GBGT1: variants seen among roughly 807,000 people sequenced by gnomAD.
GBGT1 encodes globoside alpha-1,3-N-acetylgalactosaminyltransferase 1.
GBGT1 carries 18 observed loss-of-function variants against 20.9 expected under a neutral mutation model. That is an observed-to-expected ratio of 0.86 (90% CI 0.60 to 1.28). The LOEUF is 1.28. GBGT1 is among the 50% of genes most tolerant of loss of function. GBGT1 has a pLI of 0.00. For synonymous variants in GBGT1, 168 were observed against 180.8 expected, an observed-to-expected ratio of 0.93 and a Z score of 0.57; for missense variants, 432 against 455.7, an observed-to-expected ratio of 0.95 and a Z score of 0.47.
At chr9:133,155,153 T>C (rs1409799985) in intron 6 of GBGT1, 25 bp downstream of exon 6, 9 of 1,606,660 alleles carry the variant, frequency 5.6e-6, no homozygotes, top group Non-Finnish European at 7.7e-6. Flanking sequence ...GAGACCTCCC[T>C]CCCCTTCCCC....
At chr9:133,156,214 C>T in intron 3 of GBGT1, 149 bp from the exon 4 acceptor site, 3 of 799,812 alleles carry the variant, frequency 3.8e-6, no homozygotes, top group Non-Finnish European at 6.2e-6. Context: ...CCCCACCCGA[C>T]TCTACAGAGG....
At chr9:133,157,090 C>A (rs369196356) in intron 3 of GBGT1, among the ~76,000 whole-genome samples, 1 of 152,106 alleles carries the variant, frequency 6.6e-6, no homozygotes, top group South Asian at 2.1e-4. Flanking sequence ...TCAAGACCAG[C>A]CTGGGCAACA....
chr9:133,160,879 G>A (rs1013553857), intron 3 of GBGT1, among the ~76,000 whole-genome samples: 5 of 152,008 alleles, frequency 3.3e-5, no homozygotes, highest in Admixed American at 6.6e-5. Context: ...GTATGGTGGC[G>A]GGTGCCTGTA....
rs370162690 is a variant in GBGT1, at chr9:133,154,743, C to T, written c.359+435G>A. On this transcript the variant is annotated intron_variant, in intron 6 of 6. Coordinates refer to ENST00000372040, the MANE Select transcript of GBGT1 (RefSeq NM_021996.6). This position sits in a 1 kb window ranked among gnomAD's most constrained non-coding sequence, Gnocchi z 4.2. ...CTCATTGGACAAGGGGGTCACCTGA[C>T]CCTAGGTGGACCATTCATCATCTGG... The T allele has an allele frequency of 1.1e-5, 2 of 179,852 alleles. No individual in the cohort carries two copies. The highest frequency in any genetic ancestry group is 1.2e-5 in the Non-Finnish European group (1 of 85,878). The allele number at this position is 179,852 out of a possible 1,614,324, so 11.1% of individuals were successfully genotyped here. A position where few individuals can be genotyped will look rare whatever the true frequency, so the allele number is the denominator to read the frequency against.
Position 133,155,216 on chromosome 9 carries a change from C to T in GBGT1, c.321G>A (p.Leu107=). The change falls in exon 6 of 7, where the codon CTG becomes CTA. Residue 107 remains leucine (L), a synonymous_variant. Coordinates refer to ENST00000372040, the MANE Select transcript of GBGT1 (RefSeq NM_021996.6). ...PELLQHIYQP[L]NLTIGVTVFA... ...ACACCGTGACCCCAATGGTCAGGTTCAGTGGCTGGTAGATGTGCTGCAGAA... is the reference window on the plus strand; with the variant it reads ...ACACCGTGACCCCAATGGTCAGGTTTAGTGGCTGGTAGATGTGCTGCAGAA... 1 of 1,614,108 alleles carries T rather than the reference C, an allele frequency of 6.2e-7. No homozygotes were observed. Among genetic ancestry groups the T allele is most frequent in the South Asian group, 1.1e-5 (1 of 91,074 alleles).
At chr9:133,157,875 G>T (rs1009367799) in intron 3 of GBGT1, among the ~76,000 whole-genome samples, 1 of 152,226 alleles carries the variant, frequency 6.6e-6, no homozygotes, top group Non-Finnish European at 1.5e-5. Flanking sequence ...GGCCGGGCGT[G>T]GTGGCTCATG....
chr9:133,154,187 T>C lies in GBGT1; in HGVS notation c.434A>G (p.Tyr145Cys), dbSNP rs1356182539. Residue 145 changes from tyrosine to cysteine, a missense_variant, in exon 7 of 7, where the codon TAC (tyrosine) becomes TGC (cysteine). Tyr to Cys is a radical substitution (Grantham distance 194, BLOSUM62 -2). Transcript: ENST00000372040. The surrounding 1 kb of genome is among the most constrained non-coding windows in gnomAD (Gnocchi z 4.2). ...GGCTGCAGGGTTGTCAGTGAAGATG[T>C]AGTAGTGCACCCGGTACCCACGCAT... ...FFMRGYRVHY[Y>C]IFTDNPAAVP... 1.3e-6 allele frequency: 2 copies of C among 1,582,940 alleles called. No individual in the cohort carries two copies. The highest frequency in any genetic ancestry group is 8.6e-7 in the Non-Finnish European group (1 of 1,159,414).
Position 133,153,735 on chromosome 9 carries a change from G to A in GBGT1, c.886C>T (p.Arg296Trp), listed in dbSNP as rs141041392. ...TGACGGTTCAGGTGGCTTTCCTCCCGCCAGGCAGCCATGATGCCATTGGCC... is the reference window on the plus strand; with the variant it reads ...TGACGGTTCAGGTGGCTTTCCTCCCACCAGGCAGCCATGATGCCATTGGCC... ...DKANGIMAAW[R>W]EESHLNRHFI... Residue 296 changes from arginine to tryptophan, a missense_variant, in exon 7 of 7, where the codon CGG (arginine) becomes TGG (tryptophan). Coordinates refer to ENST00000372040, the MANE Select transcript of GBGT1 (RefSeq NM_021996.6). 5.8e-5 allele frequency: 94 copies of A among 1,613,482 alleles called. No homozygotes were observed. In the African/African-American group the frequency reaches 9.9e-4, roughly 17 times the overall value.
intron 3 of GBGT1, among the ~76,000 whole-genome samples, chr9:133,157,074 A>G (rs1341483706): frequency 1.3e-5 from 2 of 152,168 alleles, no homozygotes; most frequent in Non-Finnish European, 2.9e-5. Context: ...GCTTGAGCCC[A>G]GTAGTTCAAG....
At chr9:133,160,359 C>T (rs1229780343) in intron 3 of GBGT1, 4 of 151,896 alleles carry the variant, frequency 2.6e-5, no homozygotes, top group African/African-American at 4.8e-5. Flanking sequence ...TCCCAATCAG[C>T]AAGGTAGGTT....
At chr9:133,158,891 T>G (rs1832952060) in intron 3 of GBGT1, among the ~76,000 whole-genome samples, 1 of 152,168 alleles carries the variant, frequency 6.6e-6, no homozygotes, top group African/African-American at 2.4e-5. Flanking sequence ...TCTATGAACT[T>G]GAGTATGGAA....
In GBGT1 at chr9:133,157,143, G is replaced by T. The variant is rs572689268; in HGVS notation, c.138-1078C>A. ...TACAAAAACAACAAAAATTAGCTGG[G>T]TATGGTGGTGTGCACCTGTGGTCCT... On this transcript the variant is annotated intron_variant, in intron 3 of 6. Transcript: ENST00000372040. Among the ~76,000 whole-genome samples, 6 of 152,248 alleles carry T rather than the reference G, an allele frequency of 3.9e-5. No homozygotes were observed. The South Asian group carries it at 6.2e-4, about 16-fold the overall frequency.
At position 133,155,798 on chromosome 9, in the gene GBGT1, C is replaced by T. The variant is rs1832853278; in HGVS notation, c.224+103G>A. On this transcript the variant is annotated intron_variant, in intron 5 of 6. Coordinates refer to ENST00000372040, the MANE Select transcript of GBGT1 (RefSeq NM_021996.6). The stretch of plus-strand genomic sequence containing the variant: ...TTCCACAGTCCCTAACTCTCTGGGC[C>T]CCAAGGCCACCCTGATGTTAGCACC... 15 of 1,283,444 alleles carry T rather than the reference C, an allele frequency of 1.2e-5. No individual in the cohort carries two copies. In the East Asian group the frequency reaches 3.2e-4, roughly 28 times the overall value. The allele number at this position is 1,283,444 out of a possible 1,614,324, so 79.5% of individuals were successfully genotyped here. A position where few individuals can be genotyped will look rare whatever the true frequency, so the allele number is the denominator to read the frequency against.
chr9:133,156,135 G>A, intron 3 of GBGT1, 70 bp from the exon 4 acceptor site: 2 of 1,558,946 alleles, frequency 1.3e-6, no homozygotes, highest in Non-Finnish European at 8.8e-7. Context: ...CAGGAAGAAG[G>A]AGGAGTCAGA....
At chr9:133,159,126 A>G (rs1832960876) in intron 3 of GBGT1, among the ~76,000 whole-genome samples, 1 of 151,676 alleles carries the variant, frequency 6.6e-6, no homozygotes, top group South Asian at 2.1e-4. Context: ...ACACCCCGCC[A>G]ATTTTTGTAT....
At chr9:133,161,604 C>A (rs41314455) in intron 2 of GBGT1, 72 bp from the exon 3 acceptor site, 2 of 1,058,244 alleles carry the variant, frequency 1.9e-6, no homozygotes, top group Non-Finnish European at 2.8e-6. Flanking sequence ...ACCTCATGCA[C>A]GTCATTGGGA....
At position 133,154,208 on chromosome 9, in the gene GBGT1, C is replaced by G. The variant is rs752126496; in HGVS notation, c.413G>C (p.Arg138Pro). Residue 138 changes from arginine to proline, a missense_variant, in exon 7 of 7, where the codon CGT (arginine) becomes CCT (proline). Arg to Pro is a moderately radical substitution (Grantham distance 103, BLOSUM62 -2). Transcript: ENST00000372040. This position sits in a 1 kb window ranked among gnomAD's most constrained non-coding sequence, Gnocchi z 4.2. ...GATGTAGTAGTGCACCCGGTACCCA[C>G]GCATGAAGAACTCCTCGGCTGACTC... ...FLESAEEFFM[R>P]GYRVHYYIFT... 4 of 1,553,972 alleles carry G rather than the reference C, an allele frequency of 2.6e-6. No individual in the cohort carries two copies. In the Admixed American group the frequency reaches 5.6e-5, roughly 22 times the overall value.
Position 133,153,511 on chromosome 9 carries a change from C to CGCTA in GBGT1, c.*62_*65dup. On this transcript the variant is annotated 3_prime_UTR_variant, in exon 7 of 7. Coordinates refer to ENST00000372040, the MANE Select transcript of GBGT1 (RefSeq NM_021996.6). ...GGAGGCGGGACAGGGCTGGTCTGCA[C>CGCTA]GCTAGTGAAGCACTGGTGGCTGCAG... 8.3e-7 allele frequency: 1 copy of CGCTA among 1,211,504 alleles called. No homozygotes were observed. Among genetic ancestry groups the CGCTA allele is most frequent in the Non-Finnish European group, 1.2e-6 (1 of 859,304 alleles). The allele number at this position is 1,211,504 out of a possible 1,614,324, so 75.0% of individuals were successfully genotyped here.
rs2073923 is a variant in GBGT1 at position 133,162,458 on chromosome 9, T to C, written c.-46A>G. 341,310 of 1,519,540 alleles carry C rather than the reference T, an allele frequency of 0.22. 42,609 individuals are homozygous for C. Among genetic ancestry groups the C allele is most frequent in the East Asian group, 0.55 (23,682 of 43,088 alleles). The allele number at this position is 1,519,540 out of a possible 1,614,324, so 94.1% of individuals were successfully genotyped here. A position where few individuals can be genotyped will look rare whatever the true frequency, so the allele number is the denominator to read the frequency against. ...CCTGGGCACTTGTAGAGACCCCCAC[T>C]GGCCTGGGCGGATGAGGCTGTCCCC... On this transcript the variant is annotated 5_prime_UTR_variant, in exon 2 of 7. Transcript: ENST00000372040.
Sources: gnomAD v4.1 joint callset for allele counts (sites outside exome capture counted in the v4.1 genomes callset) on GRCh38, gnomAD v4.1.1 for gene constraint, Gnocchi (gnomAD v3.1) non-coding constraint, MANE v1.5 for transcripts, NCBI Gene and HGNC (gene_info 2026-07-23, HGNC 2026-07-21) for gene names.